NT5C1A: variants seen among roughly 807,000 people sequenced by gnomAD.
The protein encoded by NT5C1A is 5'-nucleotidase, cytosolic IA, also known as cytosolic 5'-nucleotidase 1A.
In NT5C1A, 18 loss-of-function variants were observed where a neutral mutation model predicts 31.0. That is an observed-to-expected ratio of 0.58 (90% CI 0.40 to 0.86). The LOEUF (loss-of-function observed/expected upper bound fraction) is 0.86, where lower values mean the gene tolerates loss of function less well. Ranked by LOEUF, NT5C1A falls within the 40% of genes least tolerant of loss-of-function variation. The pLI is 0.00. For synonymous variants in NT5C1A, 185 were observed against 203.6 expected, an observed-to-expected ratio of 0.91 and a Z score of 0.78; for missense variants, 470 against 505.4, an observed-to-expected ratio of 0.93 and a Z score of 0.67.
In NT5C1A at chr1:39,654,632, G is replaced by T. The variant is rs12073483; in HGVS notation, c.*4489C>A. Among the ~76,000 whole-genome samples, 4,386 of 152,254 alleles carry T rather than the reference G, an allele frequency of 0.029. 217 individuals are homozygous for T. The highest frequency in any genetic ancestry group is 0.098 in the African/African-American group (4,066 of 41,536). ...TGCAAATTACCATGAGCCATGGGTC[G>T]CTTGAAAATAGTCAAAACTTGGAAT... is the stretch of plus-strand genomic sequence containing the variant. On this transcript the variant is annotated 3_prime_UTR_variant, in exon 6 of 6. Transcript: ENST00000235628.
In NT5C1A at chr1:39,671,911, G is replaced by C. The variant is rs1258992894; in HGVS notation, c.128C>G (p.Pro43Arg). Residue 43 changes from proline (P) to arginine (R), a missense_variant, in exon 1 of 6, where the codon CCC (proline) becomes CGC (arginine). Transcript: ENST00000235628. ...CCCGTGCATTGCTTTTACCGATTTG[G>C]GTTTCTTCTTGGGCGCGAGGTTGTC... ...FYDNLAPKKKPKSPKPQNAVT... is the reference protein window; with the variant it reads ...FYDNLAPKKKRKSPKPQNAVT... 2.5e-6 allele frequency: 4 copies of C among 1,613,406 alleles called. No homozygotes were observed. The highest frequency in any genetic ancestry group is 3.4e-6 in the Non-Finnish European group (4 of 1,179,874).
intron 4 of NT5C1A, 105 bp downstream of exon 4, chr1:39,663,207 A>G: frequency 1.5e-6 from 2 of 1,299,806 alleles, no homozygotes; most frequent in Non-Finnish European, 2.2e-6. Flanking sequence ...CCTTCTAGTT[A>G]CCATGGCAAC....
intron 1 of NT5C1A, 135 bp downstream of exon 1, chr1:39,671,769 G>T: frequency 9.6e-7 from 1 of 1,042,822 alleles, no homozygotes; most frequent in East Asian, 2.6e-5. Flanking sequence ...CGCGCCAGCT[G>T]CAGGGCGCAT....
chr1:39,663,429 A>G lies in NT5C1A; in HGVS notation c.439T>C (p.Phe147Leu). 2 of 1,614,056 alleles carry G rather than the reference A, an allele frequency of 1.2e-6. No homozygotes were observed. The highest frequency in any genetic ancestry group is 1.7e-6 in the Non-Finnish European group (2 of 1,179,990). The change falls in exon 4 of 6, where the codon TTC becomes CTC. Residue 147 changes from phenylalanine to leucine, a missense_variant. Transcript: ENST00000235628. Reference sequence around the variant, plus strand: ...CCTGTCATGCAGAACCTCTCGATGAACAGGTCTGGGAAGGAGGTAAAGGAC... The same window carrying G: ...CCTGTCATGCAGAACCTCTCGATGAGCAGGTCTGGGAAGGAGGTAAAGGAC... ...LINSINHYDL[F>L]IERFCMTGGN...
rs1024604549 is a variant in NT5C1A at position 39,656,485 on chromosome 1, T to C, written c.*2636A>G. Among the ~76,000 whole-genome samples the C allele has an allele frequency of 1.8e-4, 28 of 152,358 alleles. No homozygotes were observed. The highest frequency in any genetic ancestry group is 6.7e-4 in the African/African-American group (28 of 41,586). On this transcript the variant is annotated 3_prime_UTR_variant, in exon 6 of 6. Transcript: ENST00000235628. The stretch of plus-strand genomic sequence containing the variant: ...AATTTAGACTCTTAGTGTTTCTCCA[T>C]TGCCCAGGGCTGTCTGTGTCTATTA...
In NT5C1A at chr1:39,659,167, G is replaced by A. The variant is rs1186226441; in HGVS notation, c.1061C>T (p.Thr354Ile). The A allele has an allele frequency of 6.2e-7, 1 of 1,612,696 alleles. No individual in the cohort carries two copies. Among genetic ancestry groups the A allele is most frequent in the African/African-American group, 1.3e-5 (1 of 74,918 alleles). The change falls in exon 6 of 6, where the codon ACA (threonine) becomes ATA (isoleucine). Residue 354 changes from threonine (T) to isoleucine (I), a missense_variant. Coordinates refer to ENST00000235628, the MANE Select transcript of NT5C1A (RefSeq NM_032526.3). ...CTTTGCAGGTGCAGTCCGCCGGGGTGTCTGTGCCACACCATAAGGCACATG... is the reference window on the plus strand; with the variant it reads ...CTTTGCAGGTGCAGTCCGCCGGGGTATCTGTGCCACACCATAAGGCACATG... Reference protein sequence around the residue: ...AAHVPYGVAQTPRRTAPAKQA... With the variant: ...AAHVPYGVAQIPRRTAPAKQA...
rs188669187 is a variant in NT5C1A at position 39,656,466 on chromosome 1, G to A, written c.*2655C>T. Among the ~76,000 whole-genome samples the A allele has an allele frequency of 8.5e-5, 13 of 152,278 alleles. No individual in the cohort carries two copies. The highest frequency in any genetic ancestry group is 7.7e-4 in the East Asian group (4 of 5,190). On this transcript the variant is annotated 3_prime_UTR_variant, in exon 6 of 6. Coordinates refer to ENST00000235628, the MANE Select transcript of NT5C1A (RefSeq NM_032526.3). ...TTTGTGATTTCAATAATAGAATTTA[G>A]ACTCTTAGTGTTTCTCCATTGCCCA... is the stretch of plus-strand genomic sequence containing the variant.
At chr1:39,670,336 A>C (rs1276481893) in intron 1 of NT5C1A, among the ~76,000 whole-genome samples, 1 of 152,230 alleles carries the variant, frequency 6.6e-6, no homozygotes, top group Non-Finnish European at 1.5e-5. Context: ...TTTAAACTAA[A>C]GGCCTTACAA....
intron 4 of NT5C1A, among the ~76,000 whole-genome samples, chr1:39,661,869 G>A (rs1056061692): frequency 2.6e-5 from 4 of 152,186 alleles, no homozygotes; most frequent in African/African-American, 7.2e-5. Flanking sequence ...AGGTGAGTAC[G>A]TGCACCCTCA....
chr1:39,669,400 G>A (rs1425809793), intron 1 of NT5C1A, among the ~76,000 whole-genome samples: 5 of 152,284 alleles, frequency 3.3e-5, no homozygotes, highest in Admixed American at 1.3e-4. Context: ...GGAGAGTTTT[G>A]GATTGAAGAA....
intron 1 of NT5C1A, among the ~76,000 whole-genome samples, chr1:39,667,541 T>C (rs1198198181): frequency 6.6e-6 from 1 of 152,204 alleles, no homozygotes; most frequent in Non-Finnish European, 1.5e-5. Flanking sequence ...AAATGCACCT[T>C]GCATTCTTGC....
Position 39,652,047 on chromosome 1 carries a change from A to G in NT5C1A, c.*7074T>C, listed in dbSNP as rs1436597764. ...CTCCGTCTCAAAAAAAAAAAAAAAA[A>G]AAAAAAAAAAAAAAAAAAAAGAAGT... On this transcript the variant is annotated 3_prime_UTR_variant, in exon 6 of 6. Transcript: ENST00000235628. Among the ~76,000 whole-genome samples, 1 of 135,814 alleles carries G rather than the reference A, an allele frequency of 7.4e-6. No homozygotes were observed. The highest frequency in any genetic ancestry group is 1.5e-5 in the Non-Finnish European group (1 of 66,538). The allele number at this position is 135,814 out of a possible 152,430, so 89.1% of individuals were successfully genotyped here. A position where few individuals can be genotyped will look rare whatever the true frequency, so the allele number is the denominator to read the frequency against.
chr1:39,664,967 A>G (rs1234497596), intron 3 of NT5C1A, among the ~76,000 whole-genome samples: 6 of 152,188 alleles, frequency 3.9e-5, no homozygotes, highest in Admixed American at 1.3e-4. Flanking sequence ...TGTAGGCCCA[A>G]TTTTATTTCC....
At chr1:39,659,634 C>T in intron 5 of NT5C1A, 148 bp from the exon 6 acceptor site, 1 of 995,736 alleles carries the variant, frequency 1.0e-6, no homozygotes, top group Non-Finnish European at 1.5e-6. Context: ...CCTGCTTAGG[C>T]TACTGTGTGC....
Position 39,655,921 on chromosome 1 carries a change from A to G in NT5C1A, c.*3200T>C, listed in dbSNP as rs1025779970. 6.6e-6 allele frequency among the ~76,000 whole-genome samples: 1 copy of G among 152,192 alleles called. No homozygotes were observed. The highest frequency in any genetic ancestry group is 6.5e-5 in the Admixed American group (1 of 15,280). ...TACTGGTGCACACCAATTGAGTGTC[A>G]TTATAATGCCAAATCCATCTTGGCT... On this transcript the variant is annotated 3_prime_UTR_variant, in exon 6 of 6. Transcript: ENST00000235628.
rs202124063 is a variant in NT5C1A at position 39,654,224 on chromosome 1, CAA to C, written c.*4895_*4896del. ...TTATTGCTCACGTGCCTTCATGCCA[CAA>C]GAAACTGCCATTCCAGCTGTTACAG... On this transcript the variant is annotated 3_prime_UTR_variant, in exon 6 of 6. Coordinates refer to ENST00000235628, the MANE Select transcript of NT5C1A (RefSeq NM_032526.3). 0.015 allele frequency among the ~76,000 whole-genome samples: 2,283 copies of C among 152,312 alleles called. 51 individuals carry two copies. Among genetic ancestry groups the C allele is most frequent in the African/African-American group, 0.05 (2,096 of 41,556 alleles).
chr1:39,667,386 T>C (rs1646529225), intron 1 of NT5C1A, among the ~76,000 whole-genome samples: 1 of 151,988 alleles, frequency 6.6e-6, no homozygotes, highest in Non-Finnish European at 1.5e-5. Context: ...TTATAGTCCC[T>C]AGGGAGGATC....
At chr1:39,668,997 G>T (rs1646537023) in intron 1 of NT5C1A, among the ~76,000 whole-genome samples, 1 of 152,202 alleles carries the variant, frequency 6.6e-6, no homozygotes, top group Non-Finnish European at 1.5e-5. Flanking sequence ...ACAAGTTGTG[G>T]ACATAGAGAC....
In NT5C1A at chr1:39,652,022, C is replaced by T. The variant is rs1237104957; in HGVS notation, c.*7099G>A. ...CTCCAGCCTGAGTGACAGAGCAAGA[C>T]TCCGTCTCAAAAAAAAAAAAAAAAA... is the stretch of plus-strand genomic sequence containing the variant. On this transcript the variant is annotated 3_prime_UTR_variant, in exon 6 of 6. Transcript: ENST00000235628. Among the ~76,000 whole-genome samples, 1 of 87,410 alleles carries T rather than the reference C, an allele frequency of 1.1e-5. No homozygotes were observed. The highest frequency in any genetic ancestry group is 1.9e-4 in the Admixed American group (1 of 5,240). The allele number at this position is 87,410 out of a possible 152,430, so 57.3% of individuals were successfully genotyped here.
Sources: allele counts gnomAD v4.1 joint callset (sites outside exome capture counted in the v4.1 genomes callset), GRCh38; gene constraint gnomAD v4.1.1; transcripts MANE v1.5; gene names NCBI Gene and HGNC (gene_info 2026-07-23, HGNC 2026-07-21).